SYTL5: variants seen among roughly 807,000 people sequenced by gnomAD.
SYTL5 encodes the protein synaptotagmin-like protein 5.
Under a neutral mutation model 55.9 loss-of-function variants are expected in SYTL5, and 34 were observed. That is an observed-to-expected ratio of 0.61 (90% CI 0.46 to 0.81). SYTL5 has a LOEUF of 0.81. Among genes scored for constraint, SYTL5 ranks in the 30% least tolerant of loss-of-function variants. The pLI is 0.00. For missense variants in SYTL5, 637 were observed against 546.7 expected, an observed-to-expected ratio of 1.17 and a Z score of -1.65; for synonymous variants, 221 against 188.7, an observed-to-expected ratio of 1.17 and a Z score of -1.40.
the SYTL5 span, among the ~76,000 whole-genome samples, chrX:37,951,295 T>A: frequency 1.8e-5 from 2 of 111,883 alleles, no homozygotes; most frequent in African/African-American, 6.5e-5. Context: ...ATTTTTTGAA[T>A]CACATGTATT....
the SYTL5 span, among the ~76,000 whole-genome samples, chrX:37,993,923 C>T: frequency 8.9e-6 from 1 of 111,933 alleles, no homozygotes; most frequent in African/African-American, 3.2e-5. Context: ...ACTGGGGTGA[C>T]CAGGTTCCTC....
chrX:37,951,118 C>A, the SYTL5 span, among the ~76,000 whole-genome samples: 1 of 109,560 alleles, frequency 9.1e-6, no homozygotes, highest in African/African-American at 3.3e-5. Context: ...CTATTATATA[C>A]CAAAGAAAAG....
chrX:38,011,551 G>A lies in SYTL5; in HGVS notation c.-357+4883G>A, dbSNP rs181655017. 6.4e-3 allele frequency among the ~76,000 whole-genome samples: 709 copies of A among 110,075 alleles called. 3 individuals are homozygous for A. Among genetic ancestry groups the A allele is most frequent in the African/African-American group, 0.023 (682 of 30,233 alleles). On this transcript the variant is annotated intron_variant, in intron 1 of 16. Transcript: ENST00000297875. ...CGGGAGACTGAGGCAGGAGAATGGC[G>A]TGAACCCAGGAGGCGGAGTTTGCAG...
chrX:38,106,097 C>T lies in SYTL5; in HGVS notation c.1156-496C>T, dbSNP rs373222972. On this transcript the variant is annotated intron_variant, in intron 10 of 16. Transcript: ENST00000297875. Reference sequence around the variant, plus strand: ...TGTTAAAGCTGTAGTTATGGCTCCCCGGAGACTGATGGGATGCTCCATGTA... The same window carrying T: ...TGTTAAAGCTGTAGTTATGGCTCCCTGGAGACTGATGGGATGCTCCATGTA... 1.5e-4 allele frequency among the ~76,000 whole-genome samples: 17 copies of T among 111,525 alleles called. No homozygotes were observed. The East Asian group carries it at 2.2e-3, about 15-fold the overall frequency.
chrX:37,970,311 T>C, the SYTL5 span, among the ~76,000 whole-genome samples: 1 of 110,177 alleles, frequency 9.1e-6, no homozygotes, highest in South Asian at 3.8e-4. Flanking sequence ...GGCAAAAATT[T>C]ACCACACAAG....
chrX:38,033,372 A>G (rs1467527951), intron 1 of SYTL5, among the ~76,000 whole-genome samples, 162 bp from the exon 2 acceptor site: 3 of 112,703 alleles, frequency 2.7e-5, no homozygotes, highest in Non-Finnish European at 5.6e-5. Context: ...TGGTTAAAAA[A>G]ACACTAAATA....
At position 38,054,414 on chromosome X, in the gene SYTL5, C is replaced by A. The variant is rs1362602537; in HGVS notation, c.321C>A (p.Asp107Glu). The change falls in exon 3 of 17, where the codon GAC (aspartate) becomes GAA (glutamate). Residue 107 changes from aspartate (D) to glutamate (E), a missense_variant. Asp to Glu is a conservative substitution (Grantham distance 45). Coordinates refer to ENST00000297875, the MANE Select transcript of SYTL5 (RefSeq NM_138780.3). ...PNGSWKCTVC[D>E]KIAQLRIITG... ...GCAGCTGGAAGTGCACTGTCTGTGA[C>A]AAAATCGCGTGAGTTTCTTGATTTT... The A allele has an allele frequency of 1.4e-5, 17 of 1,208,300 alleles. No homozygotes were observed. The highest frequency in any genetic ancestry group is 1.8e-5 in the Non-Finnish European group (16 of 893,135).
At chrX:38,005,043 T>C (rs775093133), upstream of SYTL5, among the ~76,000 whole-genome samples, 4 of 111,080 alleles carry the variant, frequency 3.6e-5, no homozygotes, top group South Asian at 1.5e-3. Flanking sequence ...AACTCATAAA[T>C]ATATACACCT....
the SYTL5 span, among the ~76,000 whole-genome samples, chrX:37,910,019 A>G: frequency 1.8e-5 from 2 of 111,210 alleles, no homozygotes; most frequent in African/African-American, 6.5e-5. Context: ...TCCTCAGACC[A>G]CTTAAATTGG....
At chrX:38,074,934 A>G (rs1170585908) in intron 5 of SYTL5, among the ~76,000 whole-genome samples, 3 of 105,534 alleles carry the variant, frequency 2.8e-5, no homozygotes, top group Non-Finnish European at 5.9e-5. Context: ...ACACACACAC[A>G]TGCACACACT....
chrX:37,989,726 T>C, the SYTL5 span, among the ~76,000 whole-genome samples: 5 of 111,785 alleles, frequency 4.5e-5, no homozygotes, highest in African/African-American at 1.6e-4. Flanking sequence ...GAGAAGAAAA[T>C]TAAATAATAG....
At chrX:37,944,458 TA>T in the SYTL5 span, among the ~76,000 whole-genome samples, 6 of 111,602 alleles carry the variant, frequency 5.4e-5, no homozygotes, top group Admixed American at 3.8e-4. Flanking sequence ...AGAAATCACT[TA>T]AACCTCTATA....
chrX:38,122,357 C>G (rs1937580681), intron 15 of SYTL5, 142 bp downstream of exon 15: 1 of 395,134 alleles, frequency 2.5e-6, no homozygotes, highest in Non-Finnish European at 4.2e-6. Flanking sequence ...CATGCTGGCT[C>G]TTACATCTAA....
chrX:37,925,894 T>C, the SYTL5 span, among the ~76,000 whole-genome samples: 7 of 112,073 alleles, frequency 6.2e-5, no homozygotes, highest in Non-Finnish European at 1.3e-4. Flanking sequence ...CTTAGAATAA[T>C]AGTCTCCAGT....
In SYTL5 at chrX:38,122,117, A is replaced by T. The variant is rs1230505847; in HGVS notation, c.1743A>T (p.Ser581=). The T allele has an allele frequency of 1.7e-6, 2 of 1,200,066 alleles. No individual in the cohort carries two copies. Among genetic ancestry groups the T allele is most frequent in the East Asian group, 3.0e-5 (1 of 33,545 alleles). ...TTAAAAAGGGAAAGAAGAAGGAGTC[A>T]CCTGTAATCTCTGGAGGAATACTAG... ...KTFKKGKKKE[S]PVISGGILEV... is the part of the protein sequence containing the mutation. The change falls in exon 15 of 17, where the codon TCA becomes TCT. Residue 581 remains serine, a synonymous_variant. Coordinates refer to ENST00000297875, the MANE Select transcript of SYTL5 (RefSeq NM_138780.3).
intron 2 of SYTL5, among the ~76,000 whole-genome samples, chrX:38,045,569 T>G (rs12008555): frequency 0.29 from 32,208 of 111,295 alleles, 6,337 homozygotes; most frequent in African/African-American, 0.71. Flanking sequence ...ATCAGGAAGT[T>G]TCTTCTGCAG....
At chrX:38,104,151 T>A (rs1937149731) in intron 10 of SYTL5, among the ~76,000 whole-genome samples, 1 of 111,566 alleles carries the variant, frequency 9.0e-6, no homozygotes, top group Admixed American at 9.5e-5. Flanking sequence ...CAAATAGGAG[T>A]TCATTGAAAA....
At chrX:37,948,117 C>CT in the SYTL5 span, among the ~76,000 whole-genome samples, 6 of 110,976 alleles carry the variant, frequency 5.4e-5, no homozygotes, top group Non-Finnish European at 9.4e-5. Context: ...TGGTCAGGAA[C>CT]TTTTTTTCTT....
At chrX:38,102,270 G>A in intron 9 of SYTL5, 72 bp from the exon 10 acceptor site, 1 of 652,747 alleles carries the variant, frequency 1.5e-6, no homozygotes, top group Non-Finnish European at 2.5e-6. Context: ...GAAAGAAAGT[G>A]GTTTCTCAAG....
Sources: allele counts gnomAD v4.1 joint callset (sites outside exome capture counted in the v4.1 genomes callset), GRCh38; gene constraint gnomAD v4.1.1; transcripts MANE v1.5; gene names NCBI Gene and HGNC (gene_info 2026-07-23, HGNC 2026-07-21).